Variants in LDB2 observed in about 807,000 individuals in gnomAD.
LDB2 encodes the protein LIM domain-binding protein 2.
LDB2 carries 12 observed loss-of-function variants against 44.3 expected under a neutral mutation model. The observed-to-expected ratio is 0.27, with a 90% CI of 0.17 to 0.44. The LOEUF is 0.44. Among genes scored for constraint, LDB2 ranks in the 20% least tolerant of loss-of-function variants. The pLI, the probability that LDB2 is intolerant of heterozygous loss-of-function variation, is 1.00. For synonymous variants in LDB2, 164 were observed against 174.8 expected, an observed-to-expected ratio of 0.94 and a Z score of 0.49; for missense variants, 344 against 473.5, an observed-to-expected ratio of 0.73 and a Z score of 2.54.
At chr4:16,690,244 T>C (rs905841736) in intron 2 of LDB2, among the ~76,000 whole-genome samples, 1 of 151,556 alleles carries the variant, frequency 6.6e-6, no homozygotes, top group Non-Finnish European at 1.5e-5. Context: ...AGGTCTATGG[T>C]TTTTTCAGGA....
intron 5 of LDB2, among the ~76,000 whole-genome samples, chr4:16,561,494 A>C (rs1742242930): frequency 6.6e-6 from 1 of 152,202 alleles, no homozygotes; most frequent in African/African-American, 2.4e-5. Context: ...TAAAATACCT[A>C]GGAATCCAAC....
intron 1 of LDB2, among the ~76,000 whole-genome samples, chr4:16,813,742 C>T (rs1024342328): frequency 6.6e-6 from 1 of 152,130 alleles, no homozygotes; most frequent in African/African-American, 2.4e-5. Context: ...AAGTTAGAGG[C>T]CAAAACAAAC....
At chr4:16,812,341 A>T (rs2060527501) in intron 1 of LDB2, among the ~76,000 whole-genome samples, 1 of 152,060 alleles carries the variant, frequency 6.6e-6, no homozygotes, top group Admixed American at 6.6e-5. Context: ...TTCTCTTAAC[A>T]CAGGAAGGGC....
chr4:16,566,281 T>A (rs969789196), intron 5 of LDB2, among the ~76,000 whole-genome samples: 1 of 151,872 alleles, frequency 6.6e-6, no homozygotes, highest in African/African-American at 2.4e-5. Context: ...ACATATATTA[T>A]AAAGAAATAA....
intron 2 of LDB2, among the ~76,000 whole-genome samples, chr4:16,723,242 T>G (rs1311525902): frequency 6.6e-6 from 1 of 152,038 alleles, no homozygotes; most frequent in African/African-American, 2.4e-5. Context: ...GGGTAATTAA[T>G]AAAGAAAAGA....
At chr4:16,816,131 C>G (rs1164265712) in intron 1 of LDB2, among the ~76,000 whole-genome samples, 1 of 152,064 alleles carries the variant, frequency 6.6e-6, no homozygotes, top group African/African-American at 2.4e-5. Flanking sequence ...TTACTTGAAC[C>G]CTGGAAGCGG....
intron 1 of LDB2, among the ~76,000 whole-genome samples, chr4:16,790,558 C>T (rs188956636): frequency 1.3e-5 from 2 of 152,166 alleles, no homozygotes; most frequent in Admixed American, 6.5e-5. Flanking sequence ...TGTGTACGTA[C>T]ACTCCATGAC....
intron 1 of LDB2, among the ~76,000 whole-genome samples, chr4:16,804,127 T>C (rs1778347490): frequency 1.3e-5 from 2 of 152,168 alleles, no homozygotes; most frequent in African/African-American, 4.8e-5. Flanking sequence ...ACAGATACTT[T>C]TTTTCTTTAA....
At chr4:16,756,452 C>CA (rs967340018) in intron 2 of LDB2, among the ~76,000 whole-genome samples, 1 of 151,470 alleles carries the variant, frequency 6.6e-6, no homozygotes, top group African/African-American at 2.4e-5. Context: ...GACTCTGTCT[C>CA]AAAAAAAGAA....
intron 5 of LDB2, among the ~76,000 whole-genome samples, chr4:16,563,507 G>A (rs1577757420): frequency 7.5e-6 from 1 of 133,506 alleles, no homozygotes; most frequent in Non-Finnish European, 1.5e-5. Flanking sequence ...GGAGTGCAGT[G>A]GCACGATCTC....
chr4:16,597,919 C>A (rs1028991019), intron 2 of LDB2, among the ~76,000 whole-genome samples: 4 of 152,114 alleles, frequency 2.6e-5, no homozygotes, highest in Non-Finnish European at 5.9e-5. Flanking sequence ...AGAAACACAG[C>A]TTTGCTTTAT....
At chr4:16,636,708 C>A (rs1239050731) in intron 2 of LDB2, among the ~76,000 whole-genome samples, 1 of 152,124 alleles carries the variant, frequency 6.6e-6, no homozygotes, top group East Asian at 1.9e-4. Flanking sequence ...GAGGGGCAGT[C>A]TGAATTGGTG....
intron 1 of LDB2, among the ~76,000 whole-genome samples, chr4:16,876,066 C>A (rs751939173): frequency 5.3e-5 from 8 of 152,168 alleles, no homozygotes; most frequent in Non-Finnish European, 1.0e-4. Context: ...AATCCTGCCA[C>A]CCTCCTATTG....
At chr4:16,666,360 A>G (rs760489152) in intron 2 of LDB2, among the ~76,000 whole-genome samples, 18 of 152,196 alleles carry the variant, frequency 1.2e-4, no homozygotes, top group Non-Finnish European at 2.1e-4. Context: ...AAGGCAAAAA[A>G]AAAGGCTACG....
At chr4:16,576,545 A>C (rs1560522757) in intron 5 of LDB2, among the ~76,000 whole-genome samples, 1 of 152,220 alleles carries the variant, frequency 6.6e-6, no homozygotes, top group Non-Finnish European at 1.5e-5. Flanking sequence ...AGAAATCCAA[A>C]ACCTGAACAC....
At position 16,836,827 on chromosome 4, in the gene LDB2, A is replaced by G. The variant is rs1049114085; in HGVS notation, c.132+61527T>C. Among the ~76,000 whole-genome samples, 8 of 152,154 alleles carry G rather than the reference A, an allele frequency of 5.3e-5. No homozygotes were observed. The East Asian group carries it at 1.3e-3, about 26-fold the overall frequency. ...ATAAAATTTAAATAATCACACACTA[A>G]AAGTGGCATTGCCAGATTTTGAACT... On this transcript the variant is annotated intron_variant, in intron 1 of 7. Coordinates refer to ENST00000304523, the MANE Select transcript of LDB2 (RefSeq NM_001290.5).
intron 5 of LDB2, among the ~76,000 whole-genome samples, chr4:16,565,640 A>G (rs1270683878): frequency 2.0e-5 from 3 of 152,046 alleles, no homozygotes. Flanking sequence ...ACTAGCCAAT[A>G]TAATTAGACA....
At chr4:16,517,333 C>T (rs968306680) in intron 5 of LDB2, among the ~76,000 whole-genome samples, 3 of 127,726 alleles carry the variant, frequency 2.3e-5, no homozygotes, top group Non-Finnish European at 1.7e-5. Context: ...TCCTCATTAC[C>T]CCACTCCACA....
intron 1 of LDB2, among the ~76,000 whole-genome samples, chr4:16,838,219 A>G (rs1325296174): frequency 6.6e-6 from 1 of 152,224 alleles, no homozygotes; most frequent in Non-Finnish European, 1.5e-5. Context: ...ATCGAAAGGC[A>G]CATTCCAGGT....
Sources: allele counts gnomAD v4.1 joint callset (sites outside exome capture counted in the v4.1 genomes callset), GRCh38; gene constraint gnomAD v4.1.1; transcripts MANE v1.5; gene names NCBI Gene and HGNC (gene_info 2026-07-23, HGNC 2026-07-21).